RAB38: variants seen among roughly 807,000 people sequenced by gnomAD.
RAB38 encodes the protein ras-related protein Rab-38.
A neutral mutation model predicts 18.4 loss-of-function variants in RAB38; 15 were observed. That is an observed-to-expected ratio of 0.82 (90% confidence interval 0.55 to 1.26). The LOEUF (loss-of-function observed/expected upper bound fraction) is 1.26, where lower values mean the gene tolerates loss of function less well. Among genes scored for constraint, RAB38 ranks in the 50% most tolerant of loss-of-function variants. The probability of loss-of-function intolerance (pLI) is 0.00; values close to 1 mark genes in which losing one functional copy is unlikely to be tolerated. For synonymous variants in RAB38, 101 were observed against 104.4 expected (o/e 0.97, Z 0.20); for missense variants, 294 against 267.4 (o/e 1.10, Z -0.69).
At chr11:87,948,874 G>T in the RAB38 span, among the ~76,000 whole-genome samples, 19 of 152,162 alleles carry the variant, frequency 1.2e-4, no homozygotes, top group Admixed American at 1.1e-3. Context: ...TCTCTGCCCG[G>T]CTTTGGTATC....
At chr11:87,911,788 G>A in the RAB38 span, among the ~76,000 whole-genome samples, 1 of 151,916 alleles carries the variant, frequency 6.6e-6, no homozygotes, top group Non-Finnish European at 1.5e-5. Context: ...CATGCTTGCT[G>A]TGTTTCTTAT....
chr11:88,137,575 T>C (rs1041351350), intron 2 of RAB38, among the ~76,000 whole-genome samples: 9 of 152,102 alleles, frequency 5.9e-5, no homozygotes. Context: ...CATAAGCTCA[T>C]AGACTTAGTT....
chr11:88,081,601 T>A, the RAB38 span, among the ~76,000 whole-genome samples: 2 of 151,956 alleles, frequency 1.3e-5, no homozygotes, highest in African/African-American at 4.8e-5. Context: ...TCTGCATCCA[T>A]CTTTACATAG....
the RAB38 span, among the ~76,000 whole-genome samples, chr11:88,078,642 A>T: frequency 6.6e-6 from 1 of 151,888 alleles, no homozygotes; most frequent in Admixed American, 6.6e-5. Flanking sequence ...CAGATGCTGT[A>T]TGTTCTCACT....
intron 2 of RAB38, among the ~76,000 whole-genome samples, chr11:88,139,631 A>G (rs1942881252): frequency 6.6e-6 from 1 of 152,236 alleles, no homozygotes; most frequent in East Asian, 1.9e-4. Flanking sequence ...ATGAGTTAAC[A>G]AATTCCAACA....
chr11:87,860,010 C>A, the RAB38 span, among the ~76,000 whole-genome samples: 4 of 151,994 alleles, frequency 2.6e-5, no homozygotes, highest in East Asian at 5.8e-4. Flanking sequence ...CTTAAAGTGG[C>A]ATCAGCCTAA....
the RAB38 span, among the ~76,000 whole-genome samples, chr11:87,858,849 C>G: frequency 1.1e-4 from 17 of 150,786 alleles, no homozygotes; most frequent in South Asian, 4.2e-4. Context: ...AAAAAAATGA[C>G]AATTCATTCA....
At chr11:88,004,345 A>T in the RAB38 span, among the ~76,000 whole-genome samples, 1 of 151,148 alleles carries the variant, frequency 6.6e-6, no homozygotes, top group Non-Finnish European at 1.5e-5. Flanking sequence ...TTGGAAATCA[A>T]TCAGTGTAAT....
the RAB38 span, among the ~76,000 whole-genome samples, chr11:87,975,096 GTC>G: frequency 2.0e-5 from 3 of 151,840 alleles, no homozygotes; most frequent in East Asian, 5.8e-4. Context: ...TCACTCCCAT[GTC>G]TGCCTCCATC....
At chr11:87,892,547 G>T in the RAB38 span, among the ~76,000 whole-genome samples, 2 of 151,754 alleles carry the variant, frequency 1.3e-5, no homozygotes, top group South Asian at 4.1e-4. Flanking sequence ...GCGGTTACTA[G>T]CAGGATGTAG....
At chr11:87,947,519 C>G in the RAB38 span, among the ~76,000 whole-genome samples, 2 of 152,046 alleles carry the variant, frequency 1.3e-5, no homozygotes, top group African/African-American at 4.8e-5. Context: ...TTTATGGTTT[C>G]AGGTCTAACA....
chr11:87,977,747 T>C, the RAB38 span, among the ~76,000 whole-genome samples: 1 of 62,030 alleles, frequency 1.6e-5, no homozygotes, highest in South Asian at 5.0e-4. Flanking sequence ...ATATATTCTA[T>C]AATATATATA....
At chr11:87,821,897 A>T in the RAB38 span, among the ~76,000 whole-genome samples, 1 of 151,968 alleles carries the variant, frequency 6.6e-6, no homozygotes, top group Non-Finnish European at 1.5e-5. Flanking sequence ...TCAAAAATAA[A>T]GGTGAAATAC....
the RAB38 span, among the ~76,000 whole-genome samples, chr11:87,975,815 T>G: frequency 6.6e-6 from 1 of 151,312 alleles, no homozygotes; most frequent in African/African-American, 2.4e-5. Flanking sequence ...AAAAGAATAA[T>G]AAATTGATAC....
At chr11:88,027,398 G>A in the RAB38 span, among the ~76,000 whole-genome samples, 1 of 152,166 alleles carries the variant, frequency 6.6e-6, no homozygotes, top group East Asian at 1.9e-4. Flanking sequence ...TGCACCGTGT[G>A]CGAGCCTAAG....
At chr11:87,976,452 TA>T in the RAB38 span, among the ~76,000 whole-genome samples, 18 of 136,040 alleles carry the variant, frequency 1.3e-4, no homozygotes, top group African/African-American at 4.5e-4. Context: ...TTTATATTTA[TA>T]AATATATATA....
the RAB38 span, among the ~76,000 whole-genome samples, chr11:87,950,881 A>G: frequency 1.3e-5 from 2 of 152,048 alleles, no homozygotes; most frequent in Admixed American, 6.6e-5. Flanking sequence ...TGCTCTTCTC[A>G]GGGAGTGTCT....
At chr11:87,918,170 C>G in the RAB38 span, among the ~76,000 whole-genome samples, 1 of 152,046 alleles carries the variant, frequency 6.6e-6, no homozygotes, top group Non-Finnish European at 1.5e-5. Context: ...TGGCTTACCT[C>G]ACTTAACACA....
intron 1 of RAB38, among the ~76,000 whole-genome samples, chr11:88,171,246 G>C (rs760712432): frequency 1.4e-4 from 22 of 152,088 alleles, no homozygotes; most frequent in Non-Finnish European, 2.8e-4. Flanking sequence ...CCATTTTACA[G>C]ACAGAAAACG....
Sources: allele counts gnomAD v4.1 joint callset (sites outside exome capture counted in the v4.1 genomes callset), GRCh38; gene constraint gnomAD v4.1.1; transcripts MANE v1.5; gene names NCBI Gene and HGNC (gene_info 2026-07-23, HGNC 2026-07-21).